Variants in MERTK observed in about 807,000 individuals in gnomAD.
MERTK encodes MER proto-oncogene, tyrosine kinase.
A neutral mutation model predicts 99.3 loss-of-function variants in MERTK; 69 were observed. That is an observed-to-expected ratio of 0.70 (90% CI 0.57 to 0.85). The LOEUF is 0.85. MERTK is among the 40% of genes least tolerant of loss of function. The probability of loss-of-function intolerance (pLI) is 0.00; values close to 1 mark genes in which losing one functional copy is unlikely to be tolerated. For missense variants in MERTK, 1,125 were observed against 1,249.4 expected, an observed-to-expected ratio of 0.90 and a Z score of 1.50; for synonymous variants, 426 against 467.6, an observed-to-expected ratio of 0.91 and a Z score of 1.15.
intron 7 of MERTK, among the ~76,000 whole-genome samples, chr2:111,981,766 C>G (rs940408744): frequency 2.0e-5 from 3 of 151,734 alleles, no homozygotes; most frequent in Non-Finnish European, 2.9e-5. Context: ...CACACACACA[C>G]TTTTTAAATG....
At chr2:111,937,966 T>A (rs1048706303) in intron 2 of MERTK, among the ~76,000 whole-genome samples, 2 of 152,204 alleles carry the variant, frequency 1.3e-5, no homozygotes, top group African/African-American at 2.4e-5. Flanking sequence ...ATTTTGAGTA[T>A]ACAATTCAGT....
At chr2:111,939,177 C>T (rs576432778) in intron 2 of MERTK, among the ~76,000 whole-genome samples, 9 of 152,292 alleles carry the variant, frequency 5.9e-5, no homozygotes, top group African/African-American at 2.2e-4. Flanking sequence ...GGTCTTCTTG[C>T]TGATGCGACT....
rs1677070659 is a variant in MERTK, at chr2:112,010,241, T to G, written c.2079+175T>G. 4.7e-6 allele frequency: 3 copies of G among 639,686 alleles called. No homozygotes were observed. In the Admixed American group the frequency reaches 6.3e-5, roughly 13 times the overall value. 39.6% of individuals were successfully genotyped at this position (639,686 alleles called of 1,614,324 possible). ...GTGGGGTCTATCCTCACAGCAGGCC[T>G]GCTCCAGGTATTATTATCCTGCTTT... On this transcript the variant is annotated intron_variant, in intron 15 of 18. Coordinates refer to ENST00000295408, the MANE Select transcript of MERTK (RefSeq NM_006343.3).
At chr2:111,927,345 G>A (rs1321769418) in intron 1 of MERTK, among the ~76,000 whole-genome samples, 1 of 152,190 alleles carries the variant, frequency 6.6e-6, no homozygotes, top group African/African-American at 2.4e-5. Flanking sequence ...TGTCCAGAGT[G>A]GCTTGGCAGA....
intron 18 of MERTK, among the ~76,000 whole-genome samples, chr2:112,024,002 G>A (rs911567403): frequency 2.6e-5 from 4 of 152,188 alleles, no homozygotes; most frequent in Non-Finnish European, 5.9e-5. Flanking sequence ...GAAGGACACT[G>A]TTTTAATCAG....
intron 2 of MERTK, among the ~76,000 whole-genome samples, chr2:111,938,758 T>G (rs572212919): frequency 6.6e-5 from 10 of 152,308 alleles, no homozygotes; most frequent in African/African-American, 2.2e-4. Context: ...TGGTAGAACA[T>G]TCTGACTATT....
intron 15 of MERTK, chr2:112,010,364 A>G (rs77306155): frequency 0.25 from 91,589 of 361,280 alleles, 12,502 homozygotes; most frequent in Admixed American, 0.32. Context: ...CACAACCCTC[A>G]TGGCCGCATA....
At chr2:112,001,083 GC>G (rs1239530312) in intron 10 of MERTK, 117 bp from the exon 11 acceptor site, 2 of 773,796 alleles carry the variant, frequency 2.6e-6, no homozygotes, top group Non-Finnish European at 4.5e-6. Flanking sequence ...TAGGGGGAAA[GC>G]TTTTGTTGTA....
chr2:111,918,494 G>A lies in MERTK; in HGVS notation c.62-10626G>A, dbSNP rs137946694. Among the ~76,000 whole-genome samples the A allele has an allele frequency of 1.4e-3, 213 of 152,154 alleles. 3 individuals carry two copies. In the East Asian group the frequency reaches 0.029, roughly 21 times the overall value. ...AGTATCAACCCCAGACCCCCAGAGG[G>A]GAAAGCCCCTTTGAGACCCTGGCCA... is the stretch of plus-strand genomic sequence containing the variant. On this transcript the variant is annotated intron_variant, in intron 1 of 18. Coordinates refer to ENST00000295408, the MANE Select transcript of MERTK (RefSeq NM_006343.3).
chr2:111,899,331 AG>A (rs1255719890), intron 1 of MERTK, among the ~76,000 whole-genome samples: 1 of 151,852 alleles, frequency 6.6e-6, no homozygotes, highest in African/African-American at 2.4e-5. Flanking sequence ...GCGACGGGCC[AG>A]GGGGGGACGG....
intron 2 of MERTK, among the ~76,000 whole-genome samples, chr2:111,932,750 G>A (rs1684696951): frequency 6.6e-6 from 1 of 152,142 alleles, no homozygotes; most frequent in African/African-American, 2.4e-5. Flanking sequence ...TAGACTAAGA[G>A]TATATATTAG....
intron 1 of MERTK, among the ~76,000 whole-genome samples, chr2:111,926,247 A>G (rs1684565784): frequency 6.6e-6 from 1 of 152,256 alleles, no homozygotes. Context: ...AAACCAATGA[A>G]GGTATAATTT....
chr2:111,925,787 T>C (rs534598155), intron 1 of MERTK, among the ~76,000 whole-genome samples: 8 of 152,166 alleles, frequency 5.3e-5, no homozygotes, highest in South Asian at 2.1e-4. Flanking sequence ...GAGGTTATTA[T>C]CTTGCAGGGT....
intron 1 of MERTK, among the ~76,000 whole-genome samples, chr2:111,915,693 C>T (rs1015758005): frequency 5.8e-4 from 88 of 152,004 alleles, no homozygotes; most frequent in African/African-American, 2.0e-3. Context: ...GTCAGGAGTT[C>T]GAGACCAGTC....
intron 1 of MERTK, among the ~76,000 whole-genome samples, chr2:111,919,937 G>A (rs1684423420): frequency 2.0e-5 from 3 of 151,834 alleles, no homozygotes; most frequent in Admixed American, 2.0e-4. Context: ...GGTTCAGAGA[G>A]GTTGGATAGC....
intron 8 of MERTK, among the ~76,000 whole-genome samples, chr2:111,991,127 T>C (rs11685190): frequency 0.21 from 32,035 of 152,212 alleles, 4,046 homozygotes; most frequent in Middle Eastern, 0.36. Flanking sequence ...GTTTGGTCCA[T>C]GGAGTTACTC....
intron 11 of MERTK, among the ~76,000 whole-genome samples, chr2:112,001,582 A>T (rs1009911382): frequency 3.3e-5 from 5 of 152,190 alleles, no homozygotes; most frequent in Non-Finnish European, 7.3e-5. Flanking sequence ...GAGGCCAGGG[A>T]TTTAAAGAAA....
At chr2:111,968,045 C>T in intron 5 of MERTK, 92 bp from the exon 6 acceptor site, 1 of 895,368 alleles carries the variant, frequency 1.1e-6, no homozygotes, top group Non-Finnish European at 1.9e-6. Flanking sequence ...GGAACGAAAA[C>T]AGGTATTAAT....
chr2:111,939,803 C>T (rs1490190804), intron 2 of MERTK, among the ~76,000 whole-genome samples: 2 of 151,730 alleles, frequency 1.3e-5, no homozygotes, highest in Admixed American at 6.6e-5. Context: ...TGCACCCAGC[C>T]CCATAGCGAT....
Sources: gnomAD v4.1 joint callset for allele counts (sites outside exome capture counted in the v4.1 genomes callset) on GRCh38, gnomAD v4.1.1 for gene constraint, MANE v1.5 for transcripts, NCBI Gene and HGNC (gene_info 2026-07-23, HGNC 2026-07-21) for gene names.